The following SLC25A48 variants were observed in gnomAD, a reference collection of about 807,000 sequenced individuals.
SLC25A48 encodes the protein CTC-321K16.1.
A neutral mutation model predicts 32.2 loss-of-function variants in SLC25A48; 29 were observed. The observed-to-expected ratio is 0.90, with a 90% CI of 0.67 to 1.23. The LOEUF (loss-of-function observed/expected upper bound fraction) is 1.23, where lower values mean the gene tolerates loss of function less well. Ranked by LOEUF, SLC25A48 falls within the 50% of genes most tolerant of loss-of-function variation. The pLI, the probability that SLC25A48 is intolerant of heterozygous loss-of-function variation, is 0.00. For missense variants in SLC25A48, 399 were observed against 422.7 expected, an observed-to-expected ratio of 0.94 and a Z score of 0.49; for synonymous variants, 164 against 172.3, an observed-to-expected ratio of 0.95 and a Z score of 0.38.
At chr5:135,803,000 AC>A (rs1169504505) in intron 3 of SLC25A48, 3 of 151,420 alleles carry the variant, frequency 2.0e-5, no homozygotes, top group South Asian at 2.1e-4. Flanking sequence ...CATTGTGTAC[AC>A]CTACTGTGAT....
At chr5:135,624,715 C>G (rs1474753310) in intron 1 of SLC25A48, among the ~76,000 whole-genome samples, 20 of 152,112 alleles carry the variant, frequency 1.3e-4, no homozygotes, top group Admixed American at 1.3e-3. Flanking sequence ...AAAGTTGGTG[C>G]TTGTTTGAAG....
intron 3 of SLC25A48, among the ~76,000 whole-genome samples, chr5:135,800,079 G>T (rs952246822): frequency 4.0e-5 from 6 of 151,474 alleles, no homozygotes; most frequent in African/African-American, 9.7e-5. Flanking sequence ...CCCCCCTGGT[G>T]ATATTGTTTC....
At chr5:135,722,826 TG>T (rs1754987652) in intron 3 of SLC25A48, among the ~76,000 whole-genome samples, 1 of 152,256 alleles carries the variant, frequency 6.6e-6, no homozygotes, top group African/African-American at 2.4e-5. Flanking sequence ...TTGTCCCTGG[TG>T]TCCGGTCAGG....
intron 3 of SLC25A48, among the ~76,000 whole-genome samples, chr5:135,719,566 A>G (rs188427179): frequency 1.3e-5 from 2 of 152,204 alleles, no homozygotes; most frequent in Non-Finnish European, 2.9e-5. Context: ...ATGCTGCTAC[A>G]TGAAGAGAGA....
At chr5:135,722,502 A>G (rs906789515) in intron 3 of SLC25A48, among the ~76,000 whole-genome samples, 1 of 152,174 alleles carries the variant, frequency 6.6e-6, no homozygotes, top group South Asian at 2.1e-4. Flanking sequence ...TACATTTTTT[A>G]TTATGGTGAA....
intron 3 of SLC25A48, among the ~76,000 whole-genome samples, chr5:135,726,166 C>A (rs1755084003): frequency 6.6e-6 from 1 of 152,230 alleles, no homozygotes; most frequent in South Asian, 2.1e-4. Context: ...TCTGATGAAG[C>A]CCCAGCAGTG....
intron 3 of SLC25A48, 141 bp downstream of exon 3, chr5:135,850,637 C>G: frequency 1.4e-6 from 1 of 713,892 alleles, no homozygotes; most frequent in Non-Finnish European, 2.4e-6. Context: ...CCTACTTCAT[C>G]TCACACCACA....
At chr5:135,774,440 G>A (rs184109048) in intron 3 of SLC25A48, among the ~76,000 whole-genome samples, 7 of 151,644 alleles carry the variant, frequency 4.6e-5, no homozygotes, top group Admixed American at 4.0e-4. Flanking sequence ...TGTACAACCC[G>A]CTTGTGATAT....
chr5:135,672,223 G>A (rs1189322647), intron 3 of SLC25A48, among the ~76,000 whole-genome samples: 1 of 152,216 alleles, frequency 6.6e-6, no homozygotes, highest in Non-Finnish European at 1.5e-5. Context: ...TTCCAGGGAA[G>A]AGATGGAGAA....
At chr5:135,659,395 T>A (rs1753332933) in intron 3 of SLC25A48, among the ~76,000 whole-genome samples, 1 of 152,192 alleles carries the variant, frequency 6.6e-6, no homozygotes, top group Non-Finnish European at 1.5e-5. Flanking sequence ...TCATCTGAGA[T>A]CTAATCAGCC....
intron 1 of SLC25A48, among the ~76,000 whole-genome samples, chr5:135,837,205 C>T (rs1467901384): frequency 6.6e-6 from 1 of 152,028 alleles, no homozygotes; most frequent in Admixed American, 6.5e-5. Context: ...GCCTGAGGAC[C>T]AGCGCACCTC....
At chr5:135,724,913 C>T (rs925102045) in intron 3 of SLC25A48, among the ~76,000 whole-genome samples, 2 of 152,230 alleles carry the variant, frequency 1.3e-5, no homozygotes, top group Non-Finnish European at 2.9e-5. Flanking sequence ...ACAGCACAGA[C>T]TCGGGTGTGT....
intron 3 of SLC25A48, among the ~76,000 whole-genome samples, chr5:135,726,113 T>C (rs1379995788): frequency 6.6e-6 from 1 of 152,252 alleles, no homozygotes; most frequent in Non-Finnish European, 1.5e-5. Flanking sequence ...AGCCAGAGTC[T>C]GGCCCTACCA....
chr5:135,631,676 G>A (rs1238811200), intron 2 of SLC25A48, among the ~76,000 whole-genome samples: 4 of 152,310 alleles, frequency 2.6e-5, no homozygotes, highest in Non-Finnish European at 5.9e-5. Flanking sequence ...TCATTCTCAT[G>A]TTGTACAAAA....
chr5:135,729,668 G>GA (rs1755179067), intron 3 of SLC25A48, among the ~76,000 whole-genome samples: 1 of 152,138 alleles, frequency 6.6e-6, no homozygotes, highest in South Asian at 2.1e-4. Context: ...AGAAGAAATG[G>GA]AATCAGTCTA....
intron 6 of SLC25A48, chr5:135,875,688 G>A (rs1761979986): frequency 6.6e-6 from 1 of 152,262 alleles, no homozygotes; most frequent in Non-Finnish European, 1.5e-5. Context: ...AGAGCAGTAA[G>A]CAAAAGAGAA....
At chr5:135,617,951 G>A (rs934782291) in intron 1 of SLC25A48, among the ~76,000 whole-genome samples, 5 of 151,964 alleles carry the variant, frequency 3.3e-5, no homozygotes, top group Admixed American at 6.6e-5. Flanking sequence ...CTAATATGCA[G>A]TTTAAGTTTG....
chr5:135,685,735 C>T (rs201467009), intron 3 of SLC25A48, among the ~76,000 whole-genome samples: 3 of 152,274 alleles, frequency 2.0e-5, no homozygotes, highest in South Asian at 4.2e-4. Context: ...ATGTAAGGAC[C>T]TTTTAAAGAA....
In SLC25A48 at chr5:135,782,148, A is replaced by G. The variant is rs1467872970; in HGVS notation, c.-520-30375A>G. ...CATCTCCCCTGTGATATTGTTCCTAATATCAAGGAGGGGAGACGATATTAT... is the reference window on the plus strand; with the variant it reads ...CATCTCCCCTGTGATATTGTTCCTAGTATCAAGGAGGGGAGACGATATTAT... On this transcript the variant is annotated intron_variant, in intron 3 of 10. Transcript: ENST00000646290. Among the ~76,000 whole-genome samples, 7 of 116,598 alleles carry G rather than the reference A, an allele frequency of 6.0e-5. 1 individual carries two copies. The Admixed American group carries it at 6.2e-4, about 10-fold the overall frequency. The allele number at this position is 116,598 out of a possible 152,430, so 76.5% of individuals were successfully genotyped here.
Sources: gnomAD v4.1 joint callset for allele counts (sites outside exome capture counted in the v4.1 genomes callset) on GRCh38, gnomAD v4.1.1 for gene constraint, MANE v1.5 for transcripts, NCBI Gene and HGNC (gene_info 2026-07-23, HGNC 2026-07-21) for gene names.